Variants in SHB observed in about 807,000 individuals in gnomAD.
The protein encoded by SHB is SH2 domain containing adaptor protein B, also known as SH2 domain-containing adapter protein B.
A neutral mutation model predicts 52.3 loss-of-function variants in SHB; 20 were observed. That is an observed-to-expected ratio of 0.38 (90% CI 0.27 to 0.56). SHB has a LOEUF of 0.56. Among genes scored for constraint, SHB ranks in the 20% least tolerant of loss-of-function variants. The pLI is 0.71. For synonymous variants in SHB, 397 were observed against 316.5 expected (o/e 1.25, Z -2.70); for missense variants, 825 against 723.3 (o/e 1.14, Z -1.61).
intron 1 of SHB, among the ~76,000 whole-genome samples, chr9:38,027,774 C>T (rs972993531): frequency 2.6e-5 from 4 of 151,868 alleles, no homozygotes; most frequent in Non-Finnish European, 4.4e-5. Flanking sequence ...GTTCCCATTC[C>T]TATGTTCTAG....
chr9:38,024,948 G>A (rs141510794), intron 1 of SHB, among the ~76,000 whole-genome samples: 60 of 152,310 alleles, frequency 3.9e-4, no homozygotes, highest in African/African-American at 1.4e-3. Flanking sequence ...GTGACACCAT[G>A]CATAGTTTGA....
intron 1 of SHB, among the ~76,000 whole-genome samples, 167 bp downstream of exon 1, chr9:38,067,762 G>A (rs1001962222): frequency 6.6e-5 from 10 of 152,206 alleles, no homozygotes; most frequent in Admixed American, 2.6e-4. Flanking sequence ...CCGGTCCCAG[G>A]AAAAGGGCGC....
At chr9:37,983,031 A>T (rs780099485) in intron 2 of SHB, among the ~76,000 whole-genome samples, 8 of 148,640 alleles carry the variant, frequency 5.4e-5, no homozygotes, top group East Asian at 2.1e-4. Flanking sequence ...CAACCAACCA[A>T]CTATCTACTG....
At chr9:37,925,709 ACT>A (rs1337360442) in intron 5 of SHB, among the ~76,000 whole-genome samples, 1 of 151,780 alleles carries the variant, frequency 6.6e-6, no homozygotes, top group East Asian at 1.9e-4. Context: ...TTTTACCCCT[ACT>A]CTTTCTTATG....
At chr9:38,017,250 G>A (rs994695783) in intron 1 of SHB, among the ~76,000 whole-genome samples, 2 of 152,202 alleles carry the variant, frequency 1.3e-5, no homozygotes, top group Admixed American at 6.5e-5. Context: ...CTCAGCCAGT[G>A]CCACCCGGCT....
At chr9:38,010,927 T>A (rs958041513) in intron 2 of SHB, among the ~76,000 whole-genome samples, 2 of 152,236 alleles carry the variant, frequency 1.3e-5, no homozygotes, top group Non-Finnish European at 2.9e-5. Context: ...CAGCACAGCA[T>A]TCCACAGGAA....
chr9:38,068,488 G>C lies in SHB; in HGVS notation c.158C>G (p.Ala53Gly). Residue 53 changes from alanine (A) to glycine (G), a missense_variant, in exon 1 of 6, where the codon GCG becomes GGG. Coordinates refer to ENST00000377707, the MANE Select transcript of SHB (RefSeq NM_003028.3). Reference protein sequence around the residue: ...AVPQASSAASASCGPATASCF... With the variant: ...AVPQASSAASGSCGPATASCF... ...GGAGGCGGTGGCCGGACCGCAGGACGCCGAGGCGGCGGAGGAGGCCTGCGG... is the reference window on the plus strand; with the variant it reads ...GGAGGCGGTGGCCGGACCGCAGGACCCCGAGGCGGCGGAGGAGGCCTGCGG... 6.7e-7 allele frequency: 1 copy of C among 1,500,176 alleles called. No homozygotes were observed. Among genetic ancestry groups the C allele is most frequent in the Non-Finnish European group, 8.8e-7 (1 of 1,130,656 alleles). 92.9% of individuals were successfully genotyped at this position (1,500,176 alleles called of 1,614,324 possible).
chr9:37,996,464 T>C (rs1409932499), intron 2 of SHB, among the ~76,000 whole-genome samples: 4 of 152,232 alleles, frequency 2.6e-5, no homozygotes, highest in African/African-American at 9.6e-5. Context: ...TCTGTGATCA[T>C]GTACATAGGA....
Position 38,067,936 on chromosome 9 carries a change from T to G in SHB, c.710A>C (p.Lys237Thr), listed in dbSNP as rs1479047270. 2 of 1,533,790 alleles carry G rather than the reference T, an allele frequency of 1.3e-6. No homozygotes were observed. Among genetic ancestry groups the G allele is most frequent in the Admixed American group, 3.9e-5 (2 of 51,350 alleles). ...GGCCAAGGGGCACCTTACCTTGTCC[T>G]TCTTGCCGGCCCCGCTCTCCTCCGC... is the stretch of plus-strand genomic sequence containing the variant. ...SAAEESGAGK[K>T]DKVTIADDYS... Residue 237 changes from lysine to threonine, a missense_variant, in exon 1 of 6, where the codon AAG becomes ACG. Coordinates refer to ENST00000377707, the MANE Select transcript of SHB (RefSeq NM_003028.3).
At chr9:37,922,886 TC>T (rs751638454) in intron 5 of SHB, among the ~76,000 whole-genome samples, 1 of 152,148 alleles carries the variant, frequency 6.6e-6, no homozygotes, top group African/African-American at 2.4e-5. Flanking sequence ...GATCCTGGAT[TC>T]CACATGTGCA....
chr9:38,067,712 T>C (rs1821988634), intron 1 of SHB, among the ~76,000 whole-genome samples: 1 of 152,104 alleles, frequency 6.6e-6, no homozygotes. Context: ...AGAGGGGACG[T>C]TCTGGAAGCA....
chr9:38,059,157 T>C (rs1179896118), intron 1 of SHB, among the ~76,000 whole-genome samples: 1 of 152,228 alleles, frequency 6.6e-6, no homozygotes, highest in Non-Finnish European at 1.5e-5. Context: ...GGACTTGGCA[T>C]GGGCTCTCAC....
intron 3 of SHB, among the ~76,000 whole-genome samples, chr9:37,968,341 G>A (rs527419892): frequency 4.6e-5 from 7 of 152,312 alleles, no homozygotes; most frequent in Admixed American, 1.3e-4. Flanking sequence ...CTCAGGTCCC[G>A]AAGTGGTGAA....
intron 1 of SHB, among the ~76,000 whole-genome samples, chr9:38,029,518 A>C (rs1318382498): frequency 6.6e-6 from 1 of 151,648 alleles, no homozygotes; most frequent in Admixed American, 6.6e-5. Context: ...TTTAGATGGA[A>C]TCTCGCTCTG....
rs113808784 is a variant in SHB at position 37,921,932 on chromosome 9, C to T, written c.1347-1928G>A. ...AAGCTGAGCTCTCAGAGCCACATGC[C>T]CAGCTTTGCCTGGAGAAGGGGTGTG... On this transcript the variant is annotated intron_variant, in intron 5 of 5. Transcript: ENST00000377707. 8.5e-3 allele frequency among the ~76,000 whole-genome samples: 1,295 copies of T among 152,294 alleles called. 19 individuals carry two copies. The highest frequency in any genetic ancestry group is 0.03 in the African/African-American group (1,231 of 41,552).
rs369078952 is a variant in SHB, at chr9:37,948,721, G to A, written c.1260C>T (p.Ala420=). ...CCTTGCAGAGTCGCAGCAGGTTCTCGGCGTCTCCTCTGCTGATGGCTCCGT... is the reference window on the plus strand; with the variant it reads ...CCTTGCAGAGTCGCAGCAGGTTCTCAGCGTCTCCTCTGCTGATGGCTCCGT... ...WYHGAISRGD[A]ENLLRLCKEC... Residue 420 remains alanine (A), a synonymous_variant, in exon 5 of 6, where the codon GCC becomes GCT. Transcript: ENST00000377707. 86 of 1,613,766 alleles carry A rather than the reference G, an allele frequency of 5.3e-5. No individual in the cohort carries two copies. Among genetic ancestry groups the A allele is most frequent in the Non-Finnish European group, 6.6e-5 (78 of 1,180,014 alleles).
At chr9:38,012,611 T>A (rs1821154521) in intron 2 of SHB, among the ~76,000 whole-genome samples, 1 of 151,950 alleles carries the variant, frequency 6.6e-6, no homozygotes, top group Non-Finnish European at 1.5e-5. Context: ...CACTAATGAC[T>A]GCCTGCTCTG....
At chr9:37,947,707 A>G (rs959587901) in intron 5 of SHB, among the ~76,000 whole-genome samples, 10 of 152,212 alleles carry the variant, frequency 6.6e-5, no homozygotes, top group African/African-American at 2.4e-4. Flanking sequence ...CTCTGTCTAC[A>G]GGGCCGGCAT....
At chr9:38,067,271 G>A (rs949228451) in intron 1 of SHB, among the ~76,000 whole-genome samples, 3 of 152,212 alleles carry the variant, frequency 2.0e-5, no homozygotes, top group African/African-American at 7.2e-5. Flanking sequence ...CCCGCGCGCA[G>A]CGGGAGGAAC....
Sources: allele counts gnomAD v4.1 joint callset (sites outside exome capture counted in the v4.1 genomes callset), GRCh38; gene constraint gnomAD v4.1.1; transcripts MANE v1.5; gene names NCBI Gene and HGNC (gene_info 2026-07-23, HGNC 2026-07-21).